RANBP2: variants seen among roughly 807,000 people sequenced by gnomAD.
RANBP2 encodes E3 SUMO-protein ligase RanBP2.
A neutral mutation model predicts 303.6 loss-of-function variants in RANBP2; 57 were observed. That is an observed-to-expected ratio of 0.19 (90% confidence interval 0.15 to 0.23). The LOEUF (loss-of-function observed/expected upper bound fraction) is 0.23, where lower values mean the gene tolerates loss of function less well. Ranked by LOEUF, RANBP2 falls within the 10% of genes least tolerant of loss-of-function variation. The pLI is 1.00. For missense variants in RANBP2, 3,138 were observed against 3,780.8 expected, an observed-to-expected ratio of 0.83 and a Z score of 4.46; for synonymous variants, 1,167 against 1,301.5, an observed-to-expected ratio of 0.90 and a Z score of 2.23.
chr2:109,233,804 G>A, the RANBP2 span, among the ~76,000 whole-genome samples: 1 of 152,242 alleles, frequency 6.6e-6, no homozygotes, highest in African/African-American at 2.4e-5. Context: ...GGATCACAGA[G>A]TATGTAGCTC....
rs140653325 is a variant in RANBP2, at chr2:108,765,837, G to T, written c.5298G>T (p.Glu1766Asp). 1.4e-5 allele frequency: 23 copies of T among 1,614,062 alleles called. No individual in the cohort carries two copies. The African/African-American group carries it at 2.7e-4, about 19-fold the overall frequency. Residue 1766 changes from glutamate (E) to aspartate (D), a missense_variant, in exon 20 of 29, where the codon GAG (glutamate) becomes GAT (aspartate). Transcript: ENST00000283195. ...CAATTTCAACACCTGCCTCTTCGGA[G>T]ATAAGCAAGGCTCCAAAGAGTGGAT... is the stretch of plus-strand genomic sequence containing the variant. ...TTAISTPASS[E>D]ISKAPKSGFE...
the RANBP2 span, among the ~76,000 whole-genome samples, chr2:108,963,050 C>A: frequency 2.0e-5 from 3 of 152,294 alleles, no homozygotes; most frequent in Non-Finnish European, 2.9e-5. Context: ...GGTGGCTCTG[C>A]GTCACTGAAG....
chr2:108,874,531 A>C, the RANBP2 span, among the ~76,000 whole-genome samples: 1 of 152,182 alleles, frequency 6.6e-6, no homozygotes, highest in African/African-American at 2.4e-5. Context: ...ATTTAGGTTC[A>C]GCTCTTCTCC....
the RANBP2 span, among the ~76,000 whole-genome samples, chr2:109,191,629 C>T: frequency 3.3e-5 from 5 of 152,252 alleles, no homozygotes; most frequent in Non-Finnish European, 5.9e-5. Context: ...GGAATTGCAG[C>T]AAGAGCAGTC....
the RANBP2 span, among the ~76,000 whole-genome samples, chr2:109,249,972 C>CCGCG: frequency 2.0e-4 from 31 of 151,830 alleles, no homozygotes; most frequent in African/African-American, 7.5e-4. Context: ...GCGTGAGCCA[C>CCGCG]CGCGCCCGGC....
At chr2:109,222,269 G>A in the RANBP2 span, among the ~76,000 whole-genome samples, 3,210 of 152,240 alleles carry the variant, frequency 0.021, 133 homozygotes, top group African/African-American at 0.072. Flanking sequence ...ATGAATTCTC[G>A]TGTTTGATAG....
chr2:109,706,539 C>T, the RANBP2 span, among the ~76,000 whole-genome samples: 1 of 152,214 alleles, frequency 6.6e-6, no homozygotes, highest in African/African-American at 2.4e-5. Context: ...GGCCTCCAGT[C>T]CCCTGAAACC....
the RANBP2 span, among the ~76,000 whole-genome samples, chr2:109,309,952 G>C: frequency 1.6e-5 from 2 of 124,442 alleles, 1 homozygote. Context: ...AGTCAACAAG[G>C]ATACCCAAGA....
At chr2:109,670,906 TG>T in the RANBP2 span, among the ~76,000 whole-genome samples, 179 of 152,312 alleles carry the variant, frequency 1.2e-3, no homozygotes, top group Non-Finnish European at 1.8e-3. Flanking sequence ...GCAGCCTCAG[TG>T]GGCCCAGTGG....
chr2:108,966,664 A>G, the RANBP2 span, among the ~76,000 whole-genome samples: 19 of 152,234 alleles, frequency 1.2e-4, no homozygotes. Flanking sequence ...GTTTGGCTAT[A>G]GGGGTTCTGA....
At chr2:108,974,458 A>G in the RANBP2 span, among the ~76,000 whole-genome samples, 73 of 146,116 alleles carry the variant, frequency 5.0e-4, no homozygotes, top group South Asian at 1.4e-3. Flanking sequence ...ATGACTGGGC[A>G]TGGTGGCTCA....
chr2:108,962,536 G>T, the RANBP2 span, among the ~76,000 whole-genome samples: 1 of 151,844 alleles, frequency 6.6e-6, no homozygotes, highest in South Asian at 2.1e-4. Context: ...TTAGCCGGGC[G>T]TGGTGGCGGG....
chr2:109,110,415 T>C, the RANBP2 span, among the ~76,000 whole-genome samples: 3 of 152,176 alleles, frequency 2.0e-5, no homozygotes, highest in African/African-American at 7.2e-5. Flanking sequence ...ATCCGTGTCC[T>C]TAATCTTGCG....
the RANBP2 span, among the ~76,000 whole-genome samples, chr2:109,559,035 G>A: frequency 0.21 from 32,081 of 151,808 alleles, 4,193 homozygotes; most frequent in Non-Finnish European, 0.29. Context: ...ATAGGTGTCC[G>A]CCACCACACC....
chr2:108,964,498 CA>C, the RANBP2 span, among the ~76,000 whole-genome samples: 1 of 152,144 alleles, frequency 6.6e-6, no homozygotes, highest in Admixed American at 6.5e-5. Context: ...AAGAGGAAAT[CA>C]GGTACTTTGG....
the RANBP2 span, among the ~76,000 whole-genome samples, chr2:109,313,905 G>T: frequency 1.2e-4 from 19 of 152,188 alleles, no homozygotes; most frequent in Middle Eastern, 3.2e-3. Context: ...TATTTGAAAG[G>T]TGTGTTGGGA....
the RANBP2 span, among the ~76,000 whole-genome samples, chr2:108,833,726 CTTTTT>C: frequency 2.2e-5 from 2 of 91,040 alleles, no homozygotes; most frequent in Non-Finnish European, 4.5e-5. Flanking sequence ...GTGGAGTAAA[CTTTTT>C]TTTTTTTTTT....
chr2:108,949,611 G>A, the RANBP2 span, among the ~76,000 whole-genome samples: 3 of 152,126 alleles, frequency 2.0e-5, no homozygotes, highest in African/African-American at 7.2e-5. Context: ...AATGTGATGA[G>A]ATTTCTCCCT....
the RANBP2 span, chr2:109,737,368 T>C: frequency 1.5e-6 from 1 of 683,866 alleles, no homozygotes; most frequent in Non-Finnish European, 2.7e-6. Context: ...GTTCCCAGCT[T>C]TTCCGTTCAC....
Sources: gnomAD v4.1 joint callset for allele counts (sites outside exome capture counted in the v4.1 genomes callset) on GRCh38, gnomAD v4.1.1 for gene constraint, MANE v1.5 for transcripts, NCBI Gene and HGNC (gene_info 2026-07-23, HGNC 2026-07-21) for gene names.